SGCZ: variants seen among roughly 807,000 people sequenced by gnomAD.
The protein encoded by SGCZ is sarcoglycan zeta.
A neutral mutation model predicts 41.3 loss-of-function variants in SGCZ; 40 were observed. The observed-to-expected ratio is 0.97, with a 90% CI of 0.75 to 1.26. SGCZ has a LOEUF of 1.26. Among genes scored for constraint, SGCZ ranks in the 50% most tolerant of loss-of-function variants. The pLI is 0.00. For synonymous variants in SGCZ, 206 were observed against 137.5 expected (o/e 1.50, Z -3.49); for missense variants, 552 against 369.8 (o/e 1.49, Z -4.04).
chr8:14,490,437 T>C (rs1801810680), intron 2 of SGCZ, among the ~76,000 whole-genome samples: 1 of 152,186 alleles, frequency 6.6e-6, no homozygotes, highest in African/African-American at 2.4e-5. Flanking sequence ...CAATATATTT[T>C]GAGTATGATA....
chr8:14,596,028 C>T (rs1033735094), intron 1 of SGCZ, among the ~76,000 whole-genome samples: 1 of 152,182 alleles, frequency 6.6e-6, no homozygotes, highest in Non-Finnish European at 1.5e-5. Flanking sequence ...TCAGTTTACA[C>T]GGTTAAATAA....
At chr8:14,515,196 A>T (rs1255154994) in intron 2 of SGCZ, among the ~76,000 whole-genome samples, 1 of 151,956 alleles carries the variant, frequency 6.6e-6, no homozygotes, top group African/African-American at 2.4e-5. Context: ...AATAAAACTG[A>T]ACTTCTAGGC....
intron 2 of SGCZ, among the ~76,000 whole-genome samples, chr8:14,385,307 G>A (rs539463181): frequency 1.3e-5 from 2 of 152,142 alleles, no homozygotes; most frequent in Admixed American, 6.5e-5. Context: ...CTAGTTGTAA[G>A]TTAACTAAGA....
At chr8:15,190,003 ATCTACCAT>A (rs1800480509) in intron 1 of SGCZ, among the ~76,000 whole-genome samples, 1 of 152,104 alleles carries the variant, frequency 6.6e-6, no homozygotes, top group South Asian at 2.1e-4. Context: ...TCAACACATT[ATCTACCAT>A]TCTTTCTTGT....
chr8:14,634,419 C>T (rs1464543776), intron 1 of SGCZ, among the ~76,000 whole-genome samples: 8 of 151,794 alleles, frequency 5.3e-5, no homozygotes, highest in Non-Finnish European at 8.8e-5. Flanking sequence ...CTCAACGCCA[C>T]ACATTTTGAG....
intron 1 of SGCZ, among the ~76,000 whole-genome samples, chr8:14,861,524 C>T (rs1412600041): frequency 6.6e-6 from 1 of 152,020 alleles, no homozygotes; most frequent in Non-Finnish European, 1.5e-5. Context: ...ACTGGCATTG[C>T]ATGACATAAA....
chr8:15,113,911 C>T (rs1405420190), intron 1 of SGCZ, among the ~76,000 whole-genome samples: 1 of 152,194 alleles, frequency 6.6e-6, no homozygotes, highest in East Asian at 1.9e-4. Flanking sequence ...AAGCACACTG[C>T]TCCATCTGCC....
rs186242375 is a variant in SGCZ at position 14,528,033 on chromosome 8, T to G, written c.234+26699A>C. On this transcript the variant is annotated intron_variant, in intron 2 of 7. Transcript: ENST00000382080. ...AATAGTACAGATGGGAGGTGATGCC[T>G]CAGTCATCTCATATGTTGATCTAAT... 1.2e-3 allele frequency among the ~76,000 whole-genome samples: 176 copies of G among 152,194 alleles called. 1 individual carries two copies. The South Asian group carries it at 0.02, about 17-fold the overall frequency.
intron 4 of SGCZ, among the ~76,000 whole-genome samples, chr8:14,184,902 ATATAGCACCACAACACTTATGATTGG>A (rs1284599307): frequency 5.9e-5 from 9 of 152,224 alleles, no homozygotes; most frequent in African/African-American, 2.2e-4. Context: ...ATCTTATAAA[ATATAGCACCACAACACTTATGATTGG>A]TATAGCAATA....
At chr8:14,449,223 A>T (rs954388498) in intron 2 of SGCZ, among the ~76,000 whole-genome samples, 4 of 152,220 alleles carry the variant, frequency 2.6e-5, no homozygotes, top group Non-Finnish European at 5.9e-5. Context: ...ATTTCATGTT[A>T]TGCTATAGTA....
chr8:15,220,707 T>C (rs1196940008), intron 1 of SGCZ, among the ~76,000 whole-genome samples: 3 of 152,140 alleles, frequency 2.0e-5, no homozygotes, highest in South Asian at 2.1e-4. Context: ...TAAAGACACA[T>C]GCATACGTAC....
intron 1 of SGCZ, among the ~76,000 whole-genome samples, chr8:14,594,962 T>G (rs1456235899): frequency 6.6e-6 from 1 of 151,988 alleles, no homozygotes; most frequent in Non-Finnish European, 1.5e-5. Context: ...AAGGAGAAAT[T>G]TCCATATCCT....
intron 1 of SGCZ, among the ~76,000 whole-genome samples, chr8:14,827,438 T>C (rs1366104454): frequency 1.3e-5 from 2 of 152,048 alleles, no homozygotes; most frequent in Non-Finnish European, 2.9e-5. Context: ...GGTTTCTTCA[T>C]GTTGGCCAGG....
At chr8:15,127,487 T>A (rs571607361) in intron 1 of SGCZ, among the ~76,000 whole-genome samples, 3 of 152,184 alleles carry the variant, frequency 2.0e-5, no homozygotes, top group Non-Finnish European at 4.4e-5. Flanking sequence ...TAAATTCATC[T>A]TTGGGAACTG....
chr8:14,129,696 A>G (rs1802976182), intron 5 of SGCZ, among the ~76,000 whole-genome samples: 1 of 152,068 alleles, frequency 6.6e-6, no homozygotes, highest in Admixed American at 6.6e-5. Context: ...GTCATTAAAA[A>G]AAATCAAAAA....
rs117513487 is a variant in SGCZ at position 14,275,694 on chromosome 8, C to T, written c.337-38015G>A. Among the ~76,000 whole-genome samples the T allele has an allele frequency of 2.4e-3, 359 of 152,244 alleles. 1 individual carries two copies. Among genetic ancestry groups the T allele is most frequent in the Non-Finnish European group, 4.0e-3 (269 of 68,018 alleles). ...TTTCTTCTTTCCTGGAATGCTTCTTCCCTTGATTCAGTGAAGACAACAGCC... is the reference window on the plus strand; with the variant it reads ...TTTCTTCTTTCCTGGAATGCTTCTTTCCTTGATTCAGTGAAGACAACAGCC... On this transcript the variant is annotated intron_variant, in intron 3 of 7. Coordinates refer to ENST00000382080, the MANE Select transcript of SGCZ (RefSeq NM_139167.4).
intron 1 of SGCZ, among the ~76,000 whole-genome samples, chr8:14,786,268 T>C (rs1800764378): frequency 2.0e-5 from 3 of 152,106 alleles, no homozygotes; most frequent in Admixed American, 1.3e-4. Context: ...ACATTTTAAA[T>C]ACAAATGAGC....
chr8:14,403,001 T>G (rs1799119388), intron 2 of SGCZ, among the ~76,000 whole-genome samples: 3 of 149,958 alleles, frequency 2.0e-5, no homozygotes, highest in Admixed American at 2.0e-4. Flanking sequence ...AAGAGGTCCT[T>G]CACATCCCTT....
chr8:14,249,342 G>A (rs921114571), intron 3 of SGCZ, among the ~76,000 whole-genome samples: 1 of 151,682 alleles, frequency 6.6e-6, no homozygotes, highest in African/African-American at 2.4e-5. Context: ...GGCTTTCCTG[G>A]GTCTCCAACT....
Sources: allele counts gnomAD v4.1 joint callset (sites outside exome capture counted in the v4.1 genomes callset), GRCh38; gene constraint gnomAD v4.1.1; transcripts MANE v1.5; gene names NCBI Gene and HGNC (gene_info 2026-07-23, HGNC 2026-07-21).